DAB2IP: variants seen among roughly 807,000 people sequenced by gnomAD.
The protein encoded by DAB2IP is DAB2 interacting protein, also known as disabled homolog 2-interacting protein.
In DAB2IP, 28 loss-of-function variants were observed where a neutral mutation model predicts 107.2. The ratio of observed to expected loss-of-function variants is 0.26; its 90% CI spans 0.19 to 0.36. DAB2IP has a LOEUF of 0.36. Ranked by LOEUF, DAB2IP falls within the 10% of genes least tolerant of loss-of-function variation. DAB2IP has a pLI of 1.00. For missense variants in DAB2IP, 1,400 were observed against 1,644.7 expected (o/e 0.85, Z 2.57); for synonymous variants, 755 against 706.4 (o/e 1.07, Z -1.09).
chr9:121,637,362 T>C (rs543097819), intron 1 of DAB2IP, among the ~76,000 whole-genome samples: 1 of 152,346 alleles, frequency 6.6e-6, no homozygotes, highest in African/African-American at 2.4e-5. Context: ...AACCTCCCTA[T>C]ATTTCAGAGA....
At chr9:121,731,688 G>A (rs1017789320) in intron 3 of DAB2IP, among the ~76,000 whole-genome samples, 1 of 151,350 alleles carries the variant, frequency 6.6e-6, no homozygotes, top group Non-Finnish European at 1.5e-5. Context: ...TGGGGCTGGG[G>A]CTGGGGCTGG....
In DAB2IP at chr9:121,651,875, C is replaced by T; in HGVS notation, c.100C>T (p.Arg34Cys). The T allele has an allele frequency of 3.5e-6, 5 of 1,440,560 alleles. No homozygotes were observed. Among genetic ancestry groups the T allele is most frequent in the Non-Finnish European group, 1.8e-6 (2 of 1,091,788 alleles). 89.2% of individuals were successfully genotyped at this position (1,440,560 alleles called of 1,614,324 possible). A position where few individuals can be genotyped will look rare whatever the true frequency, so the allele number is the denominator to read the frequency against. The change falls in exon 1 of 16, where the codon CGC becomes TGC. Residue 34 changes from arginine to cysteine, a missense_variant. Around this residue, in one of 3 missense-constraint regions of DAB2IP, gnomAD observed 283 missense variants for 237.0 expected, o/e 1.19. Transcript: ENST00000408936. The surrounding 1 kb of genome is among the most constrained non-coding windows in gnomAD (Gnocchi z 5.1). ...GCTGCAGCGACAGAGGAGCCGCTCC[C>T]GCAGCCGGACCCGGCCTGCCAGGGG...
At chr9:121,618,370 T>C (rs1336716556) in intron 1 of DAB2IP, among the ~76,000 whole-genome samples, 1 of 152,126 alleles carries the variant, frequency 6.6e-6, no homozygotes, top group African/African-American at 2.4e-5. Flanking sequence ...AATGGATTTT[T>C]TTTTTTTTGA....
intron 1 of DAB2IP, among the ~76,000 whole-genome samples, chr9:121,666,121 T>C (rs1353435435): frequency 1.3e-5 from 2 of 152,208 alleles, no homozygotes; most frequent in Admixed American, 1.3e-4. Flanking sequence ...TCCTTGCTTT[T>C]GCCAGCTTCT....
chr9:121,710,964 T>G (rs1450231275), intron 3 of DAB2IP, among the ~76,000 whole-genome samples: 1 of 152,228 alleles, frequency 6.6e-6, no homozygotes, highest in Middle Eastern at 3.2e-3. Flanking sequence ...CCAGCCTGCC[T>G]GAGGTGGTCT....
At chr9:121,602,789 A>G (rs1331138020) in intron 1 of DAB2IP, among the ~76,000 whole-genome samples, 1 of 152,110 alleles carries the variant, frequency 6.6e-6, no homozygotes, top group Non-Finnish European at 1.5e-5. Flanking sequence ...GTTAGCCAGG[A>G]TGGCCTTGAT....
rs1337006126 is a variant in DAB2IP, at chr9:121,684,677, G to A, written c.228+5896G>A. On this transcript the variant is annotated intron_variant, in intron 2 of 15. Transcript: ENST00000408936. This position sits in a 1 kb window ranked among gnomAD's most constrained non-coding sequence, Gnocchi z 4.0. The stretch of plus-strand genomic sequence containing the variant: ...CTCTGCTCCCTGCAGAGCCGGCCCC[G>A]CTGCCCCCCATTTGTGCCCCTTCCA... Among the ~76,000 whole-genome samples the A allele has an allele frequency of 2.0e-5, 3 of 152,192 alleles. No individual in the cohort carries two copies. Among genetic ancestry groups the A allele is most frequent in the South Asian group, 2.1e-4 (1 of 4,830 alleles).
At chr9:121,668,773 TAAC>T (rs1297890624) in intron 1 of DAB2IP, among the ~76,000 whole-genome samples, 7 of 152,194 alleles carry the variant, frequency 4.6e-5, no homozygotes, top group African/African-American at 1.2e-4. Flanking sequence ...GAACGTCTGA[TAAC>T]AAGTTTTTGG....
Position 121,699,588 on chromosome 9 carries a change from C to A in DAB2IP, c.362+130C>A, listed in dbSNP as rs1311539185. ...GGTGGGGGGACCCCACGCCGCCCGCCGGGAACTTATGGGGCCACCTCGGCC... is the reference window on the plus strand; with the variant it reads ...GGTGGGGGGACCCCACGCCGCCCGCAGGGAACTTATGGGGCCACCTCGGCC... On this transcript the variant is annotated intron_variant, in intron 3 of 15. Coordinates refer to ENST00000408936, the Ensembl canonical transcript of DAB2IP. The surrounding 1 kb of genome is among the most constrained non-coding windows in gnomAD (Gnocchi z 6.2). 1.2e-6 allele frequency: 1 copy of A among 859,282 alleles called. No individual in the cohort carries two copies. The highest frequency in any genetic ancestry group is 1.5e-6 in the Non-Finnish European group (1 of 680,770). 53.2% of individuals were successfully genotyped at this position (859,282 alleles called of 1,614,324 possible).
intron 3 of DAB2IP, among the ~76,000 whole-genome samples, chr9:121,735,306 CAG>C (rs1350858285): frequency 6.6e-6 from 1 of 152,140 alleles, no homozygotes; most frequent in Non-Finnish European, 1.5e-5. Context: ...TAGGGCCCAG[CAG>C]GGGATGGAAT....
At chr9:121,743,616 G>GCGGGGCTAGGCTGGC (rs1052306513) in intron 3 of DAB2IP, among the ~76,000 whole-genome samples, 7 of 152,304 alleles carry the variant, frequency 4.6e-5, no homozygotes, top group African/African-American at 1.4e-4. Context: ...TGGGATCAGG[G>GCGGGGCTAGGCTGGC]CGGGGCTAGG....
chr9:121,779,902 C>A (rs1312151697), intron 14 of DAB2IP, among the ~76,000 whole-genome samples: 3 of 152,234 alleles, frequency 2.0e-5, no homozygotes, highest in African/African-American at 7.2e-5. Context: ...CCTTCCTGAC[C>A]TGCCTGTCTC....
intron 1 of DAB2IP, among the ~76,000 whole-genome samples, chr9:121,658,460 G>A (rs56217726): frequency 0.026 from 3,907 of 152,316 alleles, 182 homozygotes; most frequent in African/African-American, 0.09. Flanking sequence ...AGATGCCCAC[G>A]TATCGCGTGC....
intron 8 of DAB2IP, among the ~76,000 whole-genome samples, chr9:121,764,657 T>TC (rs1363233321): frequency 6.6e-6 from 1 of 152,116 alleles, no homozygotes; most frequent in Non-Finnish European, 1.5e-5. Flanking sequence ...TTAACCTGTG[T>TC]CCCCCTCCAG....
chr9:121,715,229 A>G (rs1391765210), intron 3 of DAB2IP, among the ~76,000 whole-genome samples: 1 of 152,170 alleles, frequency 6.6e-6, no homozygotes, highest in African/African-American at 2.4e-5. Context: ...AGAGAGGGTT[A>G]TAGGACTCTA....
At chr9:121,618,135 C>T (rs537004999) in intron 1 of DAB2IP, among the ~76,000 whole-genome samples, 10 of 152,212 alleles carry the variant, frequency 6.6e-5, no homozygotes, top group African/African-American at 2.2e-4. Context: ...CCTAAAAACC[C>T]AAGGAGGCCC....
At chr9:121,770,798 TG>T (rs767071132) in intron 11 of DAB2IP, 74 bp downstream of exon 11, 1 of 1,559,740 alleles carries the variant, frequency 6.4e-7, no homozygotes, top group Non-Finnish European at 8.7e-7. Flanking sequence ...TAATCTCAGA[TG>T]GGGAAAGAGG....
At chr9:121,572,060 G>A (rs1829956969) in intron 1 of DAB2IP, among the ~76,000 whole-genome samples, 1 of 152,150 alleles carries the variant, frequency 6.6e-6, no homozygotes, top group African/African-American at 2.4e-5. Context: ...AGAGAAGCAT[G>A]TCCTTTCCGT....
chr9:121,770,520 A>C (rs751945477), intron 10 of DAB2IP, 26 bp from the exon 11 acceptor site: 2 of 1,606,562 alleles, frequency 1.2e-6, no homozygotes, highest in South Asian at 1.1e-5. Context: ...AGGAGGTCAC[A>C]CCTGCCTCTT....
Sources: gnomAD v4.1 joint callset for allele counts (sites outside exome capture counted in the v4.1 genomes callset) on GRCh38, gnomAD v4.1.1 for gene constraint, gnomAD v4.1.1 regional missense constraint, Gnocchi (gnomAD v3.1) non-coding constraint, MANE v1.5 for transcripts, NCBI Gene and HGNC (gene_info 2026-07-23, HGNC 2026-07-21) for gene names.